ELOVL5: variants seen among roughly 807,000 people sequenced by gnomAD.
ELOVL5 encodes ELOVL fatty acid elongase 5, also known as very long chain fatty acid elongase 5.
A neutral mutation model predicts 38.6 loss-of-function variants in ELOVL5; 8 were observed. The observed-to-expected ratio is 0.21, with a 90% CI of 0.12 to 0.37. ELOVL5 has a LOEUF of 0.37. Ranked by LOEUF, ELOVL5 falls within the 10% of genes least tolerant of loss-of-function variation. The pLI, the probability that ELOVL5 is intolerant of heterozygous loss-of-function variation, is 1.00. For synonymous variants in ELOVL5, 127 were observed against 133.7 expected (o/e 0.95, Z 0.34); for missense variants, 280 against 367.8 (o/e 0.76, Z 1.95).
chr6:53,302,366 T>TCCCCCTCC (rs1767291283), intron 1 of ELOVL5, among the ~76,000 whole-genome samples: 1 of 152,022 alleles, frequency 6.6e-6, no homozygotes, highest in East Asian at 1.9e-4. Flanking sequence ...AGCAAATCAG[T>TCCCCCTCC]CCCCCTCCAC....
At chr6:53,331,450 T>C (rs1209324311) in intron 1 of ELOVL5, among the ~76,000 whole-genome samples, 2 of 152,236 alleles carry the variant, frequency 1.3e-5, no homozygotes, top group East Asian at 3.8e-4. Flanking sequence ...TGTGATACTT[T>C]TATAGAATTA....
intron 3 of ELOVL5, among the ~76,000 whole-genome samples, chr6:53,283,075 A>G (rs1308031537): frequency 1.3e-5 from 2 of 152,226 alleles, no homozygotes; most frequent in African/African-American, 4.8e-5. Context: ...TTTTCAAAAC[A>G]AATTCAAAGG....
chr6:53,298,903 G>GGT (rs1554136857), intron 1 of ELOVL5, among the ~76,000 whole-genome samples: 2 of 150,146 alleles, frequency 1.3e-5, no homozygotes, highest in South Asian at 2.2e-4. Flanking sequence ...GGCAAGGCGG[G>GGT]GGGGGGGAGT....
intron 4 of ELOVL5, among the ~76,000 whole-genome samples, chr6:53,275,970 T>G (rs563943952): frequency 6.6e-6 from 1 of 152,358 alleles, no homozygotes; most frequent in Non-Finnish European, 1.5e-5. Flanking sequence ...CCGGAGTTAT[T>G]TTTACAGAGG....
intron 1 of ELOVL5, among the ~76,000 whole-genome samples, chr6:53,343,738 T>C (rs180703679): frequency 5.3e-5 from 8 of 152,354 alleles, no homozygotes; most frequent in African/African-American, 1.9e-4. Flanking sequence ...GGCACCCTAC[T>C]TAAACAATCA....
chr6:53,282,031 C>T (rs774212647), intron 3 of ELOVL5, among the ~76,000 whole-genome samples: 1 of 152,174 alleles, frequency 6.6e-6, no homozygotes, highest in Non-Finnish European at 1.5e-5. Flanking sequence ...CTTATGCTAG[C>T]AGTTCTCCCT....
At chr6:53,327,445 A>G (rs1768596709) in intron 1 of ELOVL5, among the ~76,000 whole-genome samples, 1 of 152,204 alleles carries the variant, frequency 6.6e-6, no homozygotes, top group African/African-American at 2.4e-5. Flanking sequence ...GAGGTCACAT[A>G]TTGTATGATT....
chr6:53,326,195 C>T (rs1001626933), intron 1 of ELOVL5, among the ~76,000 whole-genome samples: 12 of 152,188 alleles, frequency 7.9e-5, no homozygotes, highest in Non-Finnish European at 1.5e-4. Flanking sequence ...ATATCCACCT[C>T]TTCCTAGCTG....
At chr6:53,310,128 T>C (rs1229221717) in intron 1 of ELOVL5, among the ~76,000 whole-genome samples, 27 of 152,194 alleles carry the variant, frequency 1.8e-4, no homozygotes, top group Non-Finnish European at 4.4e-5. Flanking sequence ...AAGGCACCAA[T>C]TACAAGCACG....
At chr6:53,318,486 A>G (rs1190146322) in intron 1 of ELOVL5, among the ~76,000 whole-genome samples, 1 of 152,262 alleles carries the variant, frequency 6.6e-6, no homozygotes, top group Non-Finnish European at 1.5e-5. Flanking sequence ...ATAAGTAAAC[A>G]TAATTTTATT....
chr6:53,283,629 A>C (rs1399678632), intron 3 of ELOVL5, among the ~76,000 whole-genome samples: 3 of 152,218 alleles, frequency 2.0e-5, no homozygotes, highest in Admixed American at 6.5e-5. Flanking sequence ...ATTTAAACTA[A>C]AAACACAATA....
intron 1 of ELOVL5, among the ~76,000 whole-genome samples, chr6:53,319,920 GA>G (rs1430379168): frequency 1.3e-5 from 2 of 152,148 alleles, no homozygotes. Flanking sequence ...TTGATCCTTG[GA>G]AATGTGTAAG....
chr6:53,282,272 C>T (rs566391897), intron 3 of ELOVL5, among the ~76,000 whole-genome samples: 5 of 152,380 alleles, frequency 3.3e-5, no homozygotes, highest in South Asian at 2.1e-4. Context: ...TACCCACTGA[C>T]GCCTGCTTTG....
At chr6:53,348,720 G>A (rs1448694615) in intron 1 of ELOVL5, 97 bp downstream of exon 1, 2 of 434,248 alleles carry the variant, frequency 4.6e-6, no homozygotes, top group Non-Finnish European at 9.1e-6. Flanking sequence ...GAGACCTAAC[G>A]GCAGTTCTCT....
At chr6:53,271,567 C>A (rs12212072) in intron 6 of ELOVL5, among the ~76,000 whole-genome samples, 19 of 151,158 alleles carry the variant, frequency 1.3e-4, no homozygotes, top group Non-Finnish European at 2.5e-4. Context: ...CCCCTCCCCC[C>A]AAAAAAAGGG....
intron 1 of ELOVL5, among the ~76,000 whole-genome samples, chr6:53,316,413 G>C (rs778709835): frequency 6.6e-6 from 1 of 152,190 alleles, no homozygotes; most frequent in Non-Finnish European, 1.5e-5. Context: ...TCTGCAAAGA[G>C]AGTAATATTT....
rs564399291 is a variant in ELOVL5, at chr6:53,276,006, C to A, written c.324+173G>T. Reference sequence around the variant, plus strand: ...GGGATGCTTTAGGTTTTATTTTATACCTTTCACATTCAAATTTTAATTTGA... The same window carrying A: ...GGGATGCTTTAGGTTTTATTTTATAACTTTCACATTCAAATTTTAATTTGA... On this transcript the variant is annotated intron_variant, in intron 4 of 7. Transcript: ENST00000304434. Among the ~76,000 whole-genome samples the A allele has an allele frequency of 3.3e-5, 5 of 152,260 alleles. No homozygotes were observed. In the South Asian group the frequency reaches 1.0e-3, roughly 32 times the overall value.
At chr6:53,306,937 G>C (rs1176667015) in intron 1 of ELOVL5, among the ~76,000 whole-genome samples, 1 of 152,182 alleles carries the variant, frequency 6.6e-6, no homozygotes, top group Non-Finnish European at 1.5e-5. Flanking sequence ...GAACTTTGCT[G>C]ACAGTAACTA....
chr6:53,338,209 G>T (rs209511), intron 1 of ELOVL5, among the ~76,000 whole-genome samples: 2 of 152,218 alleles, frequency 1.3e-5, no homozygotes, highest in African/African-American at 4.8e-5. Flanking sequence ...AATTTAATAC[G>T]CCAGTCCCAT....
Sources: gnomAD v4.1 joint callset for allele counts (sites outside exome capture counted in the v4.1 genomes callset) on GRCh38, gnomAD v4.1.1 for gene constraint, MANE v1.5 for transcripts, NCBI Gene and HGNC (gene_info 2026-07-23, HGNC 2026-07-21) for gene names.